RAP1GAP: variants seen among roughly 807,000 people sequenced by gnomAD.
The protein encoded by RAP1GAP is RAP1 GTPase activating protein, also known as rap1 GTPase-activating protein 1.
A neutral mutation model predicts 87.2 loss-of-function variants in RAP1GAP; 35 were observed. That is an observed-to-expected ratio of 0.40 (90% confidence interval 0.31 to 0.53). The LOEUF (loss-of-function observed/expected upper bound fraction) is 0.53, where lower values mean the gene tolerates loss of function less well. Among genes scored for constraint, RAP1GAP ranks in the 20% least tolerant of loss-of-function variants. The probability of loss-of-function intolerance (pLI) is 0.48; values close to 1 mark genes in which losing one functional copy is unlikely to be tolerated. For synonymous variants in RAP1GAP, 375 were observed against 363.9 expected (o/e 1.03, Z -0.35); for missense variants, 734 against 898.9 (o/e 0.82, Z 2.35).
chr1:21,608,286 A>G lies in RAP1GAP; in HGVS notation c.1223T>C (p.Met408Thr). 2.5e-6 allele frequency: 4 copies of G among 1,613,998 alleles called. No homozygotes were observed. The highest frequency in any genetic ancestry group is 3.4e-6 in the Non-Finnish European group (4 of 1,179,944). ...YEELHIHSQS[M>T]MGLGGDEDKM... is the part of the protein sequence containing the mutation. The stretch of plus-strand genomic sequence containing the variant: ...GTCCTCGTCGCCGCCCAAGCCCATC[A>G]TGGACTGGCTGTGGATGTGTAGTTC... The change falls in exon 17 of 25, where the codon ATG becomes ACG. Residue 408 changes from methionine (M) to threonine (T), a missense_variant. Physicochemically the swap from Met to Thr is moderately conservative, Grantham distance 81 (BLOSUM62 -1). Transcript: ENST00000374765.
chr1:21,608,984 C>T (rs2076535939), intron 15 of RAP1GAP, 48 bp from the exon 16 acceptor site: 2 of 1,513,688 alleles, frequency 1.3e-6, no homozygotes, highest in Non-Finnish European at 1.8e-6. Context: ...GTTGAGATGA[C>T]ACATAAACAA....
At chr1:21,611,947 G>C (rs1411234073) in intron 11 of RAP1GAP, 79 bp downstream of exon 11, 16 of 1,480,082 alleles carry the variant, frequency 1.1e-5, no homozygotes, top group Non-Finnish European at 1.5e-5. Context: ...CCCTTGGCCG[G>C]TGTGCTGCCC....
chr1:21,651,810 T>C, intron 1 of RAP1GAP: 3 of 1,311,940 alleles, frequency 2.3e-6, no homozygotes, highest in Non-Finnish European at 2.9e-6. Flanking sequence ...AAGCTGCGCT[T>C]CCGGCCGCTC....
chr1:21,648,841 T>G (rs1428958593), intron 2 of RAP1GAP, among the ~76,000 whole-genome samples: 1 of 152,162 alleles, frequency 6.6e-6, no homozygotes, highest in Non-Finnish European at 1.5e-5. Flanking sequence ...AAAGGCAGGC[T>G]GGGAGCTTAG....
At chr1:21,650,354 C>T (rs907989453) in intron 1 of RAP1GAP, among the ~76,000 whole-genome samples, 9 of 152,086 alleles carry the variant, frequency 5.9e-5, no homozygotes, top group Non-Finnish European at 1.3e-4. Flanking sequence ...ACGTACCCTG[C>T]TCCCTAAGAC....
intron 3 of RAP1GAP, among the ~76,000 whole-genome samples, chr1:21,624,067 AGTG>A (rs2090568845): frequency 6.6e-6 from 1 of 152,204 alleles, no homozygotes; most frequent in Non-Finnish European, 1.5e-5. Flanking sequence ...TTTACAGACC[AGTG>A]GCTGTGGCTG....
At chr1:21,616,270 T>G (rs1382983805) in intron 7 of RAP1GAP, among the ~76,000 whole-genome samples, 2 of 152,134 alleles carry the variant, frequency 1.3e-5, no homozygotes, top group Non-Finnish European at 1.5e-5. Flanking sequence ...CCAGGCTTAG[T>G]CATTGTGTGA....
chr1:21,605,561 G>T (rs998745759), intron 18 of RAP1GAP, among the ~76,000 whole-genome samples: 7 of 151,776 alleles, frequency 4.6e-5, no homozygotes, highest in Non-Finnish European at 1.0e-4. Flanking sequence ...CACAGTGGGT[G>T]CTCACAGGTA....
rs1435451214 is a variant in RAP1GAP, at chr1:21,624,857, TCG to T, written c.-19+1445_-19+1446del. On this transcript the variant is annotated intron_variant, in intron 3 of 24. Transcript: ENST00000374765. ...GGCTATGGGCTGCTCTCTCTCTCTC[TCG>T]TCTCCTGATGGGAAGACTGAGGCCC... Among the ~76,000 whole-genome samples, 10 of 143,382 alleles carry T rather than the reference TCG, an allele frequency of 7.0e-5. No homozygotes were observed. The South Asian group carries it at 2.3e-3, about 33-fold the overall frequency. 94.1% of individuals were successfully genotyped at this position (143,382 alleles called of 152,430 possible). A position where few individuals can be genotyped will look rare whatever the true frequency, so the allele number is the denominator to read the frequency against.
chr1:21,645,259 C>T (rs1024662127), intron 2 of RAP1GAP, among the ~76,000 whole-genome samples: 1 of 152,152 alleles, frequency 6.6e-6, no homozygotes, highest in African/African-American at 2.4e-5. Flanking sequence ...TTTCAGCCCA[C>T]CTCTGCCCAT....
intron 6 of RAP1GAP, 49 bp downstream of exon 6, chr1:21,617,885 G>C (rs770074985): frequency 3.1e-6 from 5 of 1,612,370 alleles, no homozygotes; most frequent in Non-Finnish European, 1.7e-6. Flanking sequence ...CCCTGTGTAA[G>C]TGCCTCCTGG....
intron 1 of RAP1GAP, among the ~76,000 whole-genome samples, chr1:21,660,797 C>A (rs2097127734): frequency 6.6e-6 from 1 of 152,166 alleles, no homozygotes; most frequent in African/African-American, 2.4e-5. Context: ...ACGGTGGTGG[C>A]TGTTAACACT....
chr1:21,651,021 G>A (rs752811883), intron 1 of RAP1GAP, among the ~76,000 whole-genome samples: 2 of 152,158 alleles, frequency 1.3e-5, no homozygotes, highest in Non-Finnish European at 2.9e-5. Flanking sequence ...TCATGGAGCC[G>A]CTTGTCTGGC....
rs1570925662 is a variant in RAP1GAP, at chr1:21,626,297, C to T, written c.-19+7G>A. On this transcript the variant is annotated splice_region_variant and intron_variant, in intron 3 of 24. Coordinates refer to ENST00000374765, the MANE Select transcript of RAP1GAP (RefSeq NM_002885.4). ...CAGGGGCCGTAGGTATGGAGGGGGA[C>T]ACTTACCTTAGGGTAGAGTGAAGGA... The T allele has an allele frequency of 6.3e-7, 1 of 1,592,040 alleles. No homozygotes were observed. Among genetic ancestry groups the T allele is most frequent in the East Asian group, 2.2e-5 (1 of 44,772 alleles).
intron 7 of RAP1GAP, 37 bp from the exon 8 acceptor site, chr1:21,614,126 G>T: frequency 7.0e-7 from 1 of 1,419,810 alleles, no homozygotes; most frequent in Non-Finnish European, 9.8e-7. Flanking sequence ...AGTGGGTGAG[G>T]CTGAGCATGG....
Position 21,613,760 on chromosome 1 carries a change from G to C in RAP1GAP, c.396-54C>G. The C allele has an allele frequency of 6.6e-7, 1 of 1,514,184 alleles. No individual in the cohort carries two copies. The highest frequency in any genetic ancestry group is 9.2e-7 in the Non-Finnish European group (1 of 1,091,524). 93.8% of individuals were successfully genotyped at this position (1,514,184 alleles called of 1,614,324 possible). A position where few individuals can be genotyped will look rare whatever the true frequency, so the allele number is the denominator to read the frequency against. On this transcript the variant is annotated intron_variant, in intron 8 of 24. Coordinates refer to ENST00000374765, the MANE Select transcript of RAP1GAP (RefSeq NM_002885.4). The surrounding 1 kb of genome is among the most constrained non-coding windows in gnomAD (Gnocchi z 4.7). Reference sequence around the variant, plus strand: ...CCTGGGCAGCAGGACAGGAAAATGGGAACCCCACCCCCCACAAAGTAAGGC... The same window carrying C: ...CCTGGGCAGCAGGACAGGAAAATGGCAACCCCACCCCCCACAAAGTAAGGC...
chr1:21,653,798 A>G (rs555607145), intron 1 of RAP1GAP, among the ~76,000 whole-genome samples: 6 of 152,180 alleles, frequency 3.9e-5, no homozygotes, highest in South Asian at 4.1e-4. Context: ...CTCCAGCCAC[A>G]TCTGGGCTGC....
chr1:21,649,893 G>A, intron 1 of RAP1GAP, 97 bp from the exon 2 acceptor site: 1 of 1,282,684 alleles, frequency 7.8e-7, no homozygotes. Flanking sequence ...CACCCTCCCA[G>A]AGGGGCTGGA....
intron 2 of RAP1GAP, among the ~76,000 whole-genome samples, chr1:21,643,116 T>C: frequency 1.6e-5 from 1 of 62,380 alleles, no homozygotes; most frequent in South Asian, 4.8e-4. Flanking sequence ...CTCATCTATT[T>C]TCTCCACCAA....
Sources: gnomAD v4.1 joint callset for allele counts (sites outside exome capture counted in the v4.1 genomes callset) on GRCh38, gnomAD v4.1.1 for gene constraint, Gnocchi (gnomAD v3.1) non-coding constraint, MANE v1.5 for transcripts, NCBI Gene and HGNC (gene_info 2026-07-23, HGNC 2026-07-21) for gene names.